Variants in ANGPT1 observed in about 807,000 individuals in gnomAD.
ANGPT1 encodes angiopoietin-1.
A neutral mutation model predicts 62.2 loss-of-function variants in ANGPT1; 17 were observed. The observed-to-expected ratio is 0.27, with a 90% confidence interval of 0.19 to 0.41. ANGPT1 has a LOEUF of 0.41. Among genes scored for constraint, ANGPT1 ranks in the 10% least tolerant of loss-of-function variants. The pLI, the probability that ANGPT1 is intolerant of heterozygous loss-of-function variation, is 1.00. For synonymous variants in ANGPT1, 199 were observed against 198.9 expected (o/e 1.00, Z 0.00); for missense variants, 478 against 594.9 (o/e 0.80, Z 2.04).
chr8:107,436,251 A>C (rs1234541137), intron 1 of ANGPT1, among the ~76,000 whole-genome samples: 1 of 152,172 alleles, frequency 6.6e-6, no homozygotes, highest in Non-Finnish European at 1.5e-5. Context: ...AGAAAAGGTA[A>C]GTCCTTTCTT....
chr8:107,436,284 T>G (rs1363977902), intron 1 of ANGPT1, among the ~76,000 whole-genome samples: 1 of 152,184 alleles, frequency 6.6e-6, no homozygotes. Flanking sequence ...GTATTCACAC[T>G]GGGCCTCAAT....
Position 107,466,578 on chromosome 8 carries a change from T to C in ANGPT1, c.297+30684A>G, listed in dbSNP as rs189619655. Among the ~76,000 whole-genome samples, 678 of 152,130 alleles carry C rather than the reference T, an allele frequency of 4.5e-3. 17 individuals carry two copies. Among genetic ancestry groups the C allele is most frequent in the Admixed American group, 0.041 (622 of 15,264 alleles). On this transcript the variant is annotated intron_variant, in intron 1 of 8. Transcript: ENST00000517746. Reference sequence around the variant, plus strand: ...GAATTATTCGTAAAGCCAAGGAAAATCCAAGGATTTCAGCATCTGCATGAA... The same window carrying C: ...GAATTATTCGTAAAGCCAAGGAAAACCCAAGGATTTCAGCATCTGCATGAA...
chr8:107,291,937 T>C (rs1814289195), intron 6 of ANGPT1, among the ~76,000 whole-genome samples: 2 of 149,112 alleles, frequency 1.3e-5, no homozygotes, highest in African/African-American at 5.0e-5. Context: ...CTATTTGATG[T>C]TGGGATTAAT....
intron 1 of ANGPT1, among the ~76,000 whole-genome samples, chr8:107,416,012 A>C (rs572815743): frequency 1.8e-4 from 27 of 152,214 alleles, no homozygotes; most frequent in African/African-American, 4.8e-4. Context: ...GGAAAAAAAA[A>C]CCCCACAAAC....
chr8:107,371,136 T>G (rs191720598), intron 1 of ANGPT1, among the ~76,000 whole-genome samples: 7 of 152,328 alleles, frequency 4.6e-5, no homozygotes, highest in Admixed American at 2.0e-4. Context: ...AGGGTTTTTA[T>G]GTATGTGTTA....
intron 1 of ANGPT1, among the ~76,000 whole-genome samples, chr8:107,420,322 A>G (rs990031146): frequency 1.3e-5 from 2 of 152,166 alleles, no homozygotes; most frequent in Non-Finnish European, 2.9e-5. Context: ...TTCAATGTAA[A>G]AAGTGTTTCT....
chr8:107,476,248 T>C (rs1178420057), intron 1 of ANGPT1, among the ~76,000 whole-genome samples: 2 of 152,140 alleles, frequency 1.3e-5, no homozygotes, highest in African/African-American at 4.8e-5. Flanking sequence ...TGGAATACTA[T>C]GCAGCCATAA....
intron 1 of ANGPT1, among the ~76,000 whole-genome samples, chr8:107,483,261 A>T (rs554349585): frequency 2.1e-4 from 32 of 152,184 alleles, no homozygotes; most frequent in Non-Finnish European, 4.3e-4. Context: ...GTCTCATATG[A>T]AACATAACAG....
intron 1 of ANGPT1, among the ~76,000 whole-genome samples, chr8:107,381,069 T>C (rs16876187): frequency 0.036 from 5,442 of 152,312 alleles, 294 homozygotes; most frequent in African/African-American, 0.12. Context: ...ATTTCTTTAG[T>C]GTTTTAACTC....
chr8:107,493,279 C>CT (rs1813012412), intron 1 of ANGPT1, among the ~76,000 whole-genome samples: 1 of 150,462 alleles, frequency 6.6e-6, no homozygotes, highest in Non-Finnish European at 1.5e-5. Flanking sequence ...ACCACAACAA[C>CT]TTTGAACTAC....
chr8:107,324,458 C>A (rs1166949976), intron 3 of ANGPT1, among the ~76,000 whole-genome samples: 7 of 152,038 alleles, frequency 4.6e-5, no homozygotes, highest in African/African-American at 1.7e-4. Flanking sequence ...AGCCAAGGAA[C>A]TACTGGCAGG....
intron 1 of ANGPT1, among the ~76,000 whole-genome samples, chr8:107,422,537 C>A (rs1476870272): frequency 6.6e-6 from 1 of 152,154 alleles, no homozygotes; most frequent in Non-Finnish European, 1.5e-5. Context: ...ATCTTGTTTC[C>A]TTGGTCAGGC....
intron 1 of ANGPT1, among the ~76,000 whole-genome samples, chr8:107,385,863 C>G (rs1181965133): frequency 6.6e-6 from 1 of 151,980 alleles, no homozygotes; most frequent in African/African-American, 2.4e-5. Context: ...GTATCAAAAG[C>G]CTTTTCTGCA....
chr8:107,444,406 T>C (rs1811559257), intron 1 of ANGPT1, among the ~76,000 whole-genome samples: 1 of 152,226 alleles, frequency 6.6e-6, no homozygotes, highest in South Asian at 2.1e-4. Flanking sequence ...ATCAGCCTTC[T>C]TCTGTTTATG....
At chr8:107,464,137 T>C (rs928525501) in intron 1 of ANGPT1, among the ~76,000 whole-genome samples, 3 of 152,116 alleles carry the variant, frequency 2.0e-5, no homozygotes, top group Non-Finnish European at 4.4e-5. Flanking sequence ...CTTTGAGACA[T>C]TGGATAATCT....
intron 5 of ANGPT1, among the ~76,000 whole-genome samples, chr8:107,296,844 G>C (rs1814427906): frequency 6.6e-6 from 1 of 152,014 alleles, no homozygotes; most frequent in East Asian, 1.9e-4. Context: ...TACATACTCA[G>C]GGAAAAGAAT....
intron 7 of ANGPT1, among the ~76,000 whole-genome samples, chr8:107,273,106 A>G (rs1813777644): frequency 6.6e-6 from 1 of 152,062 alleles, no homozygotes; most frequent in East Asian, 1.9e-4. Flanking sequence ...TTGCTTTGTT[A>G]CCAAAAATTA....
intron 5 of ANGPT1, among the ~76,000 whole-genome samples, chr8:107,299,410 T>C (rs1642856661): frequency 7.0e-6 from 1 of 142,000 alleles, no homozygotes; most frequent in Non-Finnish European, 1.5e-5. Flanking sequence ...TATATATATA[T>C]ATATATATAT....
chr8:107,408,234 ATGT>A (rs1817189497), intron 1 of ANGPT1, among the ~76,000 whole-genome samples: 1 of 152,094 alleles, frequency 6.6e-6, no homozygotes, highest in East Asian at 1.9e-4. Flanking sequence ...TAACTTCTAA[ATGT>A]TTGCTATTTT....
Sources: allele counts gnomAD v4.1 joint callset (sites outside exome capture counted in the v4.1 genomes callset), GRCh38; gene constraint gnomAD v4.1.1; transcripts MANE v1.5; gene names NCBI Gene and HGNC (gene_info 2026-07-23, HGNC 2026-07-21).